The following SENP6 variants were observed in gnomAD, a reference collection of about 807,000 sequenced individuals.
SENP6 encodes the protein SUMO specific peptidase 6, also known as sentrin-specific protease 6.
A neutral mutation model predicts 134.5 loss-of-function variants in SENP6; 41 were observed. The ratio of observed to expected loss-of-function variants is 0.30; its 90% CI spans 0.24 to 0.40. SENP6 has a LOEUF of 0.40. Among genes scored for constraint, SENP6 ranks in the 10% least tolerant of loss-of-function variants. The pLI, the probability that SENP6 is intolerant of heterozygous loss-of-function variation, is 1.00. For synonymous variants in SENP6, 395 were observed against 429.8 expected, an observed-to-expected ratio of 0.92 and a Z score of 1.00; for missense variants, 1,248 against 1,312.5, an observed-to-expected ratio of 0.95 and a Z score of 0.76.
At chr6:75,648,954 A>G (rs1447497394) in intron 7 of SENP6, among the ~76,000 whole-genome samples, 1 of 152,194 alleles carries the variant, frequency 6.6e-6, no homozygotes, top group Non-Finnish European at 1.5e-5. Context: ...TTGCTCTGTC[A>G]CAAAGAAGGT....
chr6:75,687,207 A>C (rs1195340103), intron 16 of SENP6, among the ~76,000 whole-genome samples: 1 of 152,088 alleles, frequency 6.6e-6, no homozygotes, highest in East Asian at 1.9e-4. Flanking sequence ...AAGCTTGTGC[A>C]TGTGTCGTGA....
chr6:75,671,852 AAG>A (rs1314972647), intron 11 of SENP6, among the ~76,000 whole-genome samples: 1 of 152,218 alleles, frequency 6.6e-6, no homozygotes, highest in African/African-American at 2.4e-5. Flanking sequence ...ATATGATCAA[AAG>A]AAAAAAAATT....
chr6:75,711,261 A>G (rs908483157), intron 20 of SENP6, 67 bp from the exon 21 acceptor site: 41 of 1,158,594 alleles, frequency 3.5e-5, no homozygotes, highest in Admixed American at 2.5e-4. Flanking sequence ...CCAGTGTGCT[A>G]TTTTGTTAGG....
At chr6:75,685,690 T>C (rs1282829097) in intron 16 of SENP6, among the ~76,000 whole-genome samples, 1 of 152,208 alleles carries the variant, frequency 6.6e-6, no homozygotes, top group African/African-American at 2.4e-5. Context: ...TCAGTTTCCA[T>C]GTAGTTGTGC....
chr6:75,658,970 TC>T (rs200687808), intron 7 of SENP6, among the ~76,000 whole-genome samples: 18,184 of 62,530 alleles, frequency 0.29, 2,829 homozygotes, highest in African/African-American at 0.47. Context: ...AGACCTTGTC[TC>T]CCCAAAAAAA....
At chr6:75,653,958 T>C (rs1050277648) in intron 7 of SENP6, among the ~76,000 whole-genome samples, 1 of 152,168 alleles carries the variant, frequency 6.6e-6, no homozygotes, top group Non-Finnish European at 1.5e-5. Context: ...GCATGGTGGC[T>C]CACACCTGTA....
chr6:75,631,356 A>G (rs1013438808), intron 3 of SENP6, among the ~76,000 whole-genome samples: 7 of 152,214 alleles, frequency 4.6e-5, no homozygotes, highest in Non-Finnish European at 7.3e-5. Flanking sequence ...TGCAGCAAAT[A>G]CATATTGAGC....
At chr6:75,624,670 A>G (rs900609389) in intron 3 of SENP6, among the ~76,000 whole-genome samples, 3 of 152,166 alleles carry the variant, frequency 2.0e-5, no homozygotes, top group Admixed American at 6.5e-5. Flanking sequence ...CTTTTTTAGA[A>G]TAATTGTCAG....
chr6:75,655,331 A>T (rs1328177153), intron 7 of SENP6: 11 of 152,362 alleles, frequency 7.2e-5, no homozygotes, highest in Admixed American at 7.2e-4. Flanking sequence ...CTACAATGAA[A>T]TACATAAATC....
At chr6:75,670,974 C>T (rs2149873565) in intron 11 of SENP6, among the ~76,000 whole-genome samples, 1 of 150,956 alleles carries the variant, frequency 6.6e-6, no homozygotes, top group Non-Finnish European at 1.5e-5. Flanking sequence ...GTTAGAAAAC[C>T]TTCCAATATG....
intron 1 of SENP6, among the ~76,000 whole-genome samples, chr6:75,603,407 C>T (rs1290237409): frequency 2.6e-5 from 4 of 152,152 alleles, no homozygotes; most frequent in Non-Finnish European, 5.9e-5. Context: ...GTTTATATTA[C>T]TTAATTTGAC....
intron 9 of SENP6, among the ~76,000 whole-genome samples, chr6:75,665,163 G>A (rs553019566): frequency 6.6e-6 from 1 of 152,260 alleles, no homozygotes; most frequent in South Asian, 2.1e-4. Context: ...GTGGGTGCCT[G>A]TAGTCCCAGC....
At chr6:75,672,295 TAGAA>T (rs1266958257) in intron 11 of SENP6, among the ~76,000 whole-genome samples, 1 of 152,198 alleles carries the variant, frequency 6.6e-6, no homozygotes, top group African/African-American at 2.4e-5. Flanking sequence ...GACATTTAAT[TAGAA>T]AGTTGCATAT....
chr6:75,714,460 G>A (rs1013475318), intron 23 of SENP6, among the ~76,000 whole-genome samples: 1 of 152,232 alleles, frequency 6.6e-6, no homozygotes, highest in South Asian at 2.1e-4. Flanking sequence ...GTTTATCGTC[G>A]AGTGTCGCTA....
chr6:75,689,256 T>C (rs1276038432), intron 16 of SENP6, among the ~76,000 whole-genome samples: 5 of 152,130 alleles, frequency 3.3e-5, no homozygotes, highest in Non-Finnish European at 5.9e-5. Context: ...AAAATCTTTA[T>C]AGATAAGTCA....
intron 11 of SENP6, among the ~76,000 whole-genome samples, chr6:75,671,069 G>T (rs1772637516): frequency 6.6e-6 from 1 of 152,072 alleles, no homozygotes. Context: ...CAGAAGTTTT[G>T]GGGTTTGCTG....
In SENP6 at chr6:75,702,702, A is replaced by G; in HGVS notation, c.2346A>G (p.Glu782=). The G allele has an allele frequency of 6.2e-7, 1 of 1,613,272 alleles. No individual in the cohort carries two copies. Among genetic ancestry groups the G allele is most frequent in the East Asian group, 2.2e-5 (1 of 44,862 alleles). The part of the protein sequence containing the change: ...CFPGLEKPKY[E]PNPHYHENAV... ...CCGGTTTGGAAAAACCAAAGTATGA[A>G]CCTAATCCTCATTACCATGAAAATG... is the stretch of plus-strand genomic sequence containing the variant. The change falls in exon 19 of 24, where the codon GAA becomes GAG. Residue 782 remains glutamate (E), a synonymous_variant. Transcript: ENST00000447266.
chr6:75,692,709 C>T (rs1774360259), intron 16 of SENP6, among the ~76,000 whole-genome samples: 1 of 151,982 alleles, frequency 6.6e-6, no homozygotes, highest in South Asian at 2.1e-4. Flanking sequence ...CTGAGCCCCA[C>T]ATCCCTCGCC....
At chr6:75,673,146 C>CA (rs1562033151) in intron 11 of SENP6, among the ~76,000 whole-genome samples, 1 of 151,790 alleles carries the variant, frequency 6.6e-6, no homozygotes, top group Non-Finnish European at 1.5e-5. Context: ...TATTTAGAAG[C>CA]GTCCATTTTA....
Sources: allele counts gnomAD v4.1 joint callset (sites outside exome capture counted in the v4.1 genomes callset), GRCh38; gene constraint gnomAD v4.1.1; transcripts MANE v1.5; gene names NCBI Gene and HGNC (gene_info 2026-07-23, HGNC 2026-07-21).